Variants in ACVR2A observed in about 807,000 individuals in gnomAD.
ACVR2A encodes activin receptor type-2A.
A neutral mutation model predicts 61.4 loss-of-function variants in ACVR2A; 7 were observed. That is an observed-to-expected ratio of 0.11 (90% CI 0.06 to 0.21). ACVR2A has a LOEUF of 0.21. Ranked by LOEUF, ACVR2A falls within the 10% of genes least tolerant of loss-of-function variation. ACVR2A has a pLI of 1.00. For missense variants in ACVR2A, 322 were observed against 621.7 expected (o/e 0.52, Z 5.13); for synonymous variants, 193 against 208.3 (o/e 0.93, Z 0.63).
intron 1 of ACVR2A, among the ~76,000 whole-genome samples, chr2:147,891,538 A>G (rs1439731365): frequency 1.3e-5 from 2 of 152,134 alleles, no homozygotes; most frequent in Non-Finnish European, 2.9e-5. Context: ...AATCCAAAAA[A>G]AGAATAGTAT....
Position 147,920,273 on chromosome 2 carries a change from G to T in ACVR2A, c.1006G>T (p.Ala336Ser). Reference sequence around the variant, plus strand: ...TGTGCTGTTGAAAAACAACCTGACAGCTTGCATTGCTGACTTTGGGTTGGC... The same window carrying T: ...TGTGCTGTTGAAAAACAACCTGACATCTTGCATTGCTGACTTTGGGTTGGC... ...KNVLLKNNLT[A>S]CIADFGLALK... is the part of the protein sequence containing the mutation. Residue 336 changes from alanine to serine, a missense_variant, in exon 8 of 11, where the codon GCT becomes TCT. Coordinates refer to ENST00000241416, the MANE Select transcript of ACVR2A (RefSeq NM_001616.5). 6.2e-7 allele frequency: 1 copy of T among 1,613,640 alleles called. No individual in the cohort carries two copies.
intron 4 of ACVR2A, among the ~76,000 whole-genome samples, chr2:147,906,807 T>A (rs1686996951): frequency 6.6e-6 from 1 of 150,810 alleles, no homozygotes; most frequent in African/African-American, 2.4e-5. Flanking sequence ...TCTGTCCTGT[T>A]TATCAAGTCC....
intron 1 of ACVR2A, among the ~76,000 whole-genome samples, chr2:147,894,225 A>C (rs766127271): frequency 6.6e-6 from 1 of 152,048 alleles, no homozygotes; most frequent in South Asian, 2.1e-4. Context: ...CCATTGATAC[A>C]TGTTTCTGTC....
chr2:147,863,665 AAGT>A (rs1685784109), intron 1 of ACVR2A, among the ~76,000 whole-genome samples: 1 of 152,204 alleles, frequency 6.6e-6, no homozygotes, highest in Non-Finnish European at 1.5e-5. Context: ...CATTAAGTGG[AAGT>A]AGATTAGTCT....
chr2:147,924,651 G>GA (rs1169493695), intron 9 of ACVR2A, among the ~76,000 whole-genome samples: 1 of 151,960 alleles, frequency 6.6e-6, no homozygotes, highest in Non-Finnish European at 1.5e-5. Context: ...AATTGGGGTA[G>GA]AGAGGATAGT....
intron 4 of ACVR2A, among the ~76,000 whole-genome samples, chr2:147,911,844 C>T (rs552598902): frequency 3.9e-5 from 6 of 152,108 alleles, no homozygotes; most frequent in Admixed American, 2.0e-4. Flanking sequence ...AACACCTTAA[C>T]GGCTCCATTC....
intron 9 of ACVR2A, among the ~76,000 whole-genome samples, chr2:147,924,171 G>A (rs926243457): frequency 2.6e-5 from 4 of 152,046 alleles, no homozygotes; most frequent in African/African-American, 9.7e-5. Flanking sequence ...TAAGAGGAAT[G>A]ACATTTATGA....
intron 1 of ACVR2A, among the ~76,000 whole-genome samples, chr2:147,869,356 T>C (rs1326328511): frequency 7.8e-6 from 1 of 127,834 alleles, no homozygotes; most frequent in Admixed American, 7.9e-5. Context: ...CTATTCTTCC[T>C]TGACGTTTGC....
chr2:147,846,127 T>C (rs1192076374), intron 1 of ACVR2A, among the ~76,000 whole-genome samples: 2 of 152,176 alleles, frequency 1.3e-5, no homozygotes, highest in Non-Finnish European at 2.9e-5. Context: ...TGAAATTCTA[T>C]AAATAAATAC....
intron 1 of ACVR2A, among the ~76,000 whole-genome samples, chr2:147,891,697 CT>C (rs755683894): frequency 4.6e-5 from 7 of 152,120 alleles, no homozygotes; most frequent in Non-Finnish European, 8.8e-5. Flanking sequence ...TCTATGGATG[CT>C]TTTATGCTAC....
intron 8 of ACVR2A, among the ~76,000 whole-genome samples, chr2:147,920,615 A>T (rs933625228): frequency 2.0e-5 from 3 of 152,128 alleles, no homozygotes; most frequent in Non-Finnish European, 2.9e-5. Context: ...CTTTTAACAG[A>T]CCTCATTCTT....
chr2:147,923,197 T>C (rs1337215892), intron 9 of ACVR2A, 86 bp downstream of exon 9: 6 of 1,421,652 alleles, frequency 4.2e-6, no homozygotes, highest in Non-Finnish European at 5.6e-6. Context: ...GGTAATATTT[T>C]AAAGTACAGT....
chr2:147,866,793 G>T (rs886661906), intron 1 of ACVR2A, among the ~76,000 whole-genome samples: 2 of 152,200 alleles, frequency 1.3e-5, no homozygotes, highest in African/African-American at 4.8e-5. Flanking sequence ...CAAAGTACTT[G>T]TGGCCCATTC....
chr2:147,888,175 A>G (rs961472192), intron 1 of ACVR2A, among the ~76,000 whole-genome samples: 1 of 152,124 alleles, frequency 6.6e-6, no homozygotes, highest in South Asian at 2.1e-4. Context: ...TCACTGATGT[A>G]TGTTTCTGTC....
At chr2:147,845,687 T>C (rs1685294328) in intron 1 of ACVR2A, among the ~76,000 whole-genome samples, 1 of 152,186 alleles carries the variant, frequency 6.6e-6, no homozygotes, top group Admixed American at 6.5e-5. Context: ...ATTTTGGCTG[T>C]GGGAAACAAT....
chr2:147,864,043 C>T (rs1351906293), intron 1 of ACVR2A, among the ~76,000 whole-genome samples: 1 of 152,094 alleles, frequency 6.6e-6, no homozygotes, highest in Non-Finnish European at 1.5e-5. Context: ...TGTTAGTGGT[C>T]ATTAATTGCT....
chr2:147,916,262 T>C (rs1260486363), intron 5 of ACVR2A, among the ~76,000 whole-genome samples: 1 of 151,812 alleles, frequency 6.6e-6, no homozygotes, highest in Admixed American at 6.6e-5. Flanking sequence ...TGTATTCTGT[T>C]GTGCCAAGAT....
In ACVR2A at chr2:147,896,367, G is replaced by T; in HGVS notation, c.122G>T (p.Arg41Ile). The T allele has an allele frequency of 6.2e-7, 1 of 1,613,950 alleles. No individual in the cohort carries two copies. Among genetic ancestry groups the T allele is most frequent in the Non-Finnish European group, 8.5e-7 (1 of 1,179,906 alleles). ...TTTAATGCTAATTGGGAAAAAGACA[G>T]AACCAATCAAACTGGTGTTGAACCG... Reference protein sequence around the residue: ...LFFNANWEKDRTNQTGVEPCY... With the variant: ...LFFNANWEKDITNQTGVEPCY... The change falls in exon 2 of 11, where the codon AGA becomes ATA. Residue 41 changes from arginine to isoleucine, a missense_variant. Physicochemically the swap from Arg to Ile is moderately conservative, Grantham distance 97 (BLOSUM62 -3). Transcript: ENST00000241416.
chr2:147,917,262 ATTCT>A lies in ACVR2A; in HGVS notation c.673-14_673-11del, dbSNP rs1558813449. 1.1e-5 allele frequency: 18 copies of A among 1,608,408 alleles called. No homozygotes were observed. The highest frequency in any genetic ancestry group is 1.4e-5 in the Non-Finnish European group (16 of 1,176,622). ...AACCTGTATTCCTTGTGTTCTTACT[ATTCT>A]TTCTTTTTGACTCTAGGACAAACAG... On this transcript the variant is annotated splice_polypyrimidine_tract_variant and intron_variant, in intron 5 of 10. Transcript: ENST00000241416.
Sources: allele counts gnomAD v4.1 joint callset (sites outside exome capture counted in the v4.1 genomes callset), GRCh38; gene constraint gnomAD v4.1.1; transcripts MANE v1.5; gene names NCBI Gene and HGNC (gene_info 2026-07-23, HGNC 2026-07-21).